The following EHHADH variants were observed in gnomAD, a reference collection of about 807,000 sequenced individuals.
The protein encoded by EHHADH is enoyl-CoA hydratase and 3-hydroxyacyl CoA dehydrogenase, also known as peroxisomal bifunctional enzyme.
In EHHADH, 48 loss-of-function variants were observed where a neutral mutation model predicts 64.4. The observed-to-expected ratio is 0.75, with a 90% CI of 0.59 to 0.95. EHHADH has a LOEUF of 0.95. Ranked by LOEUF, EHHADH falls within the 40% of genes least tolerant of loss-of-function variation. EHHADH has a pLI of 0.00. For synonymous variants in EHHADH, 308 were observed against 326.7 expected (o/e 0.94, Z 0.62); for missense variants, 854 against 876.6 (o/e 0.97, Z 0.33).
In EHHADH at chr3:185,193,174, A is replaced by G. The variant is rs1182468648; in HGVS notation, c.1224T>C (p.Thr408=). 1.2e-6 allele frequency: 2 copies of G among 1,613,176 alleles called. No individual in the cohort carries two copies. The highest frequency in any genetic ancestry group is 8.5e-7 in the Non-Finnish European group (1 of 1,179,696). Reference sequence around the variant, plus strand: ...CATCAACATCCAGGGCTGAAGTATTAGTGCACAAAAATGCTTCTGGTTTGC... The same window carrying G: ...CATCAACATCCAGGGCTGAAGTATTGGTGCACAAAAATGCTTCTGGTTTGC... ...AVCKPEAFLC[T]NTSALDVDEI... The change falls in exon 7 of 7, where the codon ACT becomes ACC. Residue 408 remains threonine (T), a synonymous_variant. Transcript: ENST00000231887.
intron 1 of EHHADH, among the ~76,000 whole-genome samples, chr3:185,249,717 T>C (rs1475828195): frequency 6.6e-6 from 1 of 152,206 alleles, no homozygotes; most frequent in African/African-American, 2.4e-5. Context: ...TTAAGCCTCC[T>C]TCCTTTATAA....
At chr3:185,224,197 T>A (rs1718908454) in intron 4 of EHHADH, among the ~76,000 whole-genome samples, 1 of 151,628 alleles carries the variant, frequency 6.6e-6, no homozygotes, top group African/African-American at 2.4e-5. Context: ...TAACACCCTT[T>A]CTTAGAAAAA....
chr3:185,220,447 G>A (rs1329896320), intron 4 of EHHADH, among the ~76,000 whole-genome samples: 4 of 152,180 alleles, frequency 2.6e-5, no homozygotes, highest in African/African-American at 9.7e-5. Flanking sequence ...ATGCTGCACA[G>A]GTTTGTAGCC....
chr3:185,243,714 AT>A (rs1291841826), intron 2 of EHHADH, among the ~76,000 whole-genome samples: 1 of 152,210 alleles, frequency 6.6e-6, no homozygotes, highest in African/African-American at 2.4e-5. Flanking sequence ...TATGATTTAG[AT>A]TTTTTTGAAT....
intron 5 of EHHADH, among the ~76,000 whole-genome samples, chr3:185,217,296 C>G (rs1718706195): frequency 6.6e-6 from 1 of 152,044 alleles, no homozygotes; most frequent in Non-Finnish European, 1.5e-5. Flanking sequence ...CCTGTAATCC[C>G]AGCACTTTGG....
chr3:185,206,735 G>C (rs1718402911), intron 5 of EHHADH, among the ~76,000 whole-genome samples: 1 of 151,968 alleles, frequency 6.6e-6, no homozygotes, highest in South Asian at 2.1e-4. Context: ...AGCTGAGGCA[G>C]GAAAATTGCT....
intron 1 of EHHADH, among the ~76,000 whole-genome samples, chr3:185,248,969 A>G (rs551122885): frequency 6.6e-6 from 1 of 152,338 alleles, no homozygotes; most frequent in South Asian, 2.1e-4. Context: ...GAAGGGTGAA[A>G]TTACTTTCAG....
intron 4 of EHHADH, among the ~76,000 whole-genome samples, chr3:185,228,666 G>A (rs1013989192): frequency 4.6e-5 from 7 of 151,556 alleles, no homozygotes; most frequent in African/African-American, 1.7e-4. Flanking sequence ...CTACAAGAGC[G>A]AAACTCCGTC....
At chr3:185,210,509 T>C (rs1718511800) in intron 5 of EHHADH, among the ~76,000 whole-genome samples, 1 of 151,738 alleles carries the variant, frequency 6.6e-6, no homozygotes, top group South Asian at 2.1e-4. Context: ...TGGGTGCCTG[T>C]AGTCTCAGCT....
intron 6 of EHHADH, among the ~76,000 whole-genome samples, chr3:185,195,684 C>T (rs922640492): frequency 6.6e-6 from 1 of 152,134 alleles, no homozygotes; most frequent in Non-Finnish European, 1.5e-5. Flanking sequence ...AAACAGAAAA[C>T]CAAATACTGC....
At chr3:185,244,290 C>A (rs1719535078) in intron 2 of EHHADH, among the ~76,000 whole-genome samples, 1 of 151,858 alleles carries the variant, frequency 6.6e-6, no homozygotes, top group African/African-American at 2.4e-5. Flanking sequence ...TTTTTTAATC[C>A]AATTTGCCTG....
intron 3 of EHHADH, among the ~76,000 whole-genome samples, chr3:185,231,943 T>TA (rs1193045062): frequency 6.6e-6 from 1 of 151,750 alleles, no homozygotes; most frequent in Non-Finnish European, 1.5e-5. Flanking sequence ...AATTGTATGG[T>TA]ATTTAAATTA....
At chr3:185,208,097 T>C (rs1234775944) in intron 5 of EHHADH, among the ~76,000 whole-genome samples, 2 of 152,240 alleles carry the variant, frequency 1.3e-5, no homozygotes, top group Non-Finnish European at 2.9e-5. Context: ...GGCTTCAGTC[T>C]TGCTCATACT....
In EHHADH at chr3:185,204,664, C is replaced by T. The variant is rs753620285; in HGVS notation, c.662G>A (p.Arg221Gln). Residue 221 changes from arginine to glutamine, a missense_variant, in exon 6 of 7, where the codon CGG (arginine) becomes CAG (glutamine). Transcript: ENST00000231887. ...SIFSEALLKM[R>Q]RQHPGCLAQE... Reference sequence around the variant, plus strand: ...TGCAAGACACCCAGGGTGCTGCCTCCGCATCTTCAAGAGGGCCTCACTAAA... The same window carrying T: ...TGCAAGACACCCAGGGTGCTGCCTCTGCATCTTCAAGAGGGCCTCACTAAA... 3.8e-5 allele frequency: 62 copies of T among 1,614,202 alleles called. No homozygotes were observed. Among genetic ancestry groups the T allele is most frequent in the Admixed American group, 1.7e-4 (10 of 60,020 alleles).
At chr3:185,206,721 G>A (rs757311724) in intron 5 of EHHADH, among the ~76,000 whole-genome samples, 5 of 151,860 alleles carry the variant, frequency 3.3e-5, no homozygotes, top group Admixed American at 6.6e-5. Context: ...CCAGCTACTC[G>A]GGAAGCTGAG....
rs1423294363 is a variant in EHHADH at position 185,191,094 on chromosome 3, C to T, written c.*1132G>A. 1 of 152,180 alleles carries T rather than the reference C, an allele frequency of 6.6e-6. No homozygotes were observed. The highest frequency in any genetic ancestry group is 1.5e-5 in the Non-Finnish European group (1 of 68,040). The allele number at this position is 152,180 out of a possible 1,614,324, so 9.4% of individuals were successfully genotyped here. A position where few individuals can be genotyped will look rare whatever the true frequency, so the allele number is the denominator to read the frequency against. The stretch of plus-strand genomic sequence containing the variant: ...TCCTGTACTCCCCATTCATCACCCC[C>T]AATTCTAGCCTTAGGCAACCACTAA... On this transcript the variant is annotated 3_prime_UTR_variant, in exon 7 of 7. Transcript: ENST00000231887.
chr3:185,222,620 T>C (rs1362147816), intron 4 of EHHADH, among the ~76,000 whole-genome samples: 7 of 152,236 alleles, frequency 4.6e-5, no homozygotes, highest in Non-Finnish European at 8.8e-5. Context: ...GCTTCTGCAT[T>C]CAATCTGTTG....
At chr3:185,251,479 G>C (rs1719745047) in intron 1 of EHHADH, among the ~76,000 whole-genome samples, 2 of 152,196 alleles carry the variant, frequency 1.3e-5, no homozygotes, top group African/African-American at 4.8e-5. Flanking sequence ...TGTTCTGGGA[G>C]ACAGGCCTAT....
chr3:185,252,298 G>A (rs1719770383), intron 1 of EHHADH, among the ~76,000 whole-genome samples: 1 of 152,064 alleles, frequency 6.6e-6, no homozygotes, highest in Admixed American at 6.5e-5. Context: ...TACTCGGGAG[G>A]CTGAGGCAGG....
Sources: gnomAD v4.1 joint callset for allele counts (sites outside exome capture counted in the v4.1 genomes callset) on GRCh38, gnomAD v4.1.1 for gene constraint, MANE v1.5 for transcripts, NCBI Gene and HGNC (gene_info 2026-07-23, HGNC 2026-07-21) for gene names.